BMP5: variants seen among roughly 807,000 people sequenced by gnomAD.
BMP5 encodes the protein bone morphogenetic protein 5.
A neutral mutation model predicts 46.6 loss-of-function variants in BMP5; 23 were observed. That is an observed-to-expected ratio of 0.49 (90% CI 0.35 to 0.70). BMP5 has a LOEUF of 0.70. Among genes scored for constraint, BMP5 ranks in the 30% least tolerant of loss-of-function variants. The pLI, the probability that BMP5 is intolerant of heterozygous loss-of-function variation, is 0.00. For missense variants in BMP5, 545 were observed against 565.6 expected (o/e 0.96, Z 0.37); for synonymous variants, 204 against 191.9 (o/e 1.06, Z -0.52).
intron 2 of BMP5, among the ~76,000 whole-genome samples, chr6:55,808,973 A>G (rs1372072875): frequency 6.6e-6 from 1 of 152,198 alleles, no homozygotes. Context: ...TGAATCTAGG[A>G]ACCACAATCA....
At chr6:55,867,732 G>C (rs975236772) in intron 1 of BMP5, among the ~76,000 whole-genome samples, 11 of 152,018 alleles carry the variant, frequency 7.2e-5, no homozygotes, top group African/African-American at 2.7e-4. Flanking sequence ...TTTGCATCAG[G>C]GTCCACAGAT....
At chr6:55,826,964 G>A (rs1340949221) in intron 1 of BMP5, among the ~76,000 whole-genome samples, 1 of 151,762 alleles carries the variant, frequency 6.6e-6, no homozygotes, top group Non-Finnish European at 1.5e-5. Context: ...TCAGGGCAAA[G>A]TTTTCCTATT....
chr6:55,819,632 T>C (rs1487993981), intron 2 of BMP5, 23 bp downstream of exon 2: 2 of 1,564,602 alleles, frequency 1.3e-6, no homozygotes, highest in East Asian at 4.5e-5. Context: ...GCCAGGATAA[T>C]AAGTTAAATA....
chr6:55,873,190 T>G (rs1297964705), intron 1 of BMP5, among the ~76,000 whole-genome samples: 2 of 152,076 alleles, frequency 1.3e-5, no homozygotes, highest in Admixed American at 1.3e-4. Flanking sequence ...TTATTAAGAT[T>G]TGTTGATAAT....
At chr6:55,799,653 A>G (rs1164805785) in intron 2 of BMP5, among the ~76,000 whole-genome samples, 1 of 152,178 alleles carries the variant, frequency 6.6e-6, no homozygotes, top group Non-Finnish European at 1.5e-5. Context: ...GTACTTACGC[A>G]AATTCTGCCT....
chr6:55,780,874 T>C (rs529177159), intron 3 of BMP5, among the ~76,000 whole-genome samples: 1 of 152,152 alleles, frequency 6.6e-6, no homozygotes, highest in Admixed American at 6.5e-5. Flanking sequence ...TCCAGAATGC[T>C]GAAATGTTTT....
intron 1 of BMP5, among the ~76,000 whole-genome samples, chr6:55,862,309 TAA>T (rs1038753952): frequency 3.9e-5 from 6 of 152,106 alleles, no homozygotes; most frequent in Admixed American, 3.3e-4. Context: ...ACAATCAACT[TAA>T]AGTAATCATT....
chr6:55,847,862 C>T (rs1777136751), intron 1 of BMP5, among the ~76,000 whole-genome samples: 1 of 151,816 alleles, frequency 6.6e-6, no homozygotes, highest in South Asian at 2.1e-4. Context: ...AAAAGGACTA[C>T]TAGGGAAAAT....
chr6:55,756,667 G>C (rs1459399816), intron 6 of BMP5, among the ~76,000 whole-genome samples: 1 of 151,822 alleles, frequency 6.6e-6, no homozygotes, highest in Non-Finnish European at 1.5e-5. Context: ...AATGATATAG[G>C]GGCCTTGCAT....
At chr6:55,805,252 A>T (rs1647522802) in intron 2 of BMP5, among the ~76,000 whole-genome samples, 1 of 152,186 alleles carries the variant, frequency 6.6e-6, no homozygotes, top group African/African-American at 2.4e-5. Context: ...TAATTATTTT[A>T]CTTTAGGTTC....
chr6:55,777,970 G>A (rs1042427593), intron 3 of BMP5, among the ~76,000 whole-genome samples: 2 of 151,966 alleles, frequency 1.3e-5, no homozygotes, highest in African/African-American at 2.4e-5. Flanking sequence ...CATTGGGTCA[G>A]GATGGCAGCA....
chr6:55,819,239 A>G (rs1156743820), intron 2 of BMP5, among the ~76,000 whole-genome samples: 2 of 152,214 alleles, frequency 1.3e-5, no homozygotes, highest in African/African-American at 4.8e-5. Context: ...AAAAATGAAC[A>G]TACAATTTTT....
chr6:55,755,526 T>G lies in BMP5; in HGVS notation c.*7A>C. ...GATCTTTTTGTTATTATCAATATTA[T>G]TTAATATTAGTGGCAGCCACATGAG... On this transcript the variant is annotated 3_prime_UTR_variant, in exon 7 of 7. Coordinates refer to ENST00000370830, the MANE Select transcript of BMP5 (RefSeq NM_021073.4). 1 of 1,601,620 alleles carries G rather than the reference T, an allele frequency of 6.2e-7. No homozygotes were observed. Among genetic ancestry groups the G allele is most frequent in the East Asian group, 2.2e-5 (1 of 44,708 alleles).
At chr6:55,872,818 A>C (rs989697454) in intron 1 of BMP5, among the ~76,000 whole-genome samples, 34 of 151,874 alleles carry the variant, frequency 2.2e-4, no homozygotes, top group African/African-American at 7.5e-4. Context: ...TTCTATTAAA[A>C]TATTTAAACT....
At chr6:55,774,835 G>T (rs191590596) in intron 3 of BMP5, among the ~76,000 whole-genome samples, 1 of 152,036 alleles carries the variant, frequency 6.6e-6, no homozygotes, top group African/African-American at 2.4e-5. Flanking sequence ...GCTTTAAGCC[G>T]CAGTTATTAA....
At position 55,853,138 on chromosome 6, in the gene BMP5, T is replaced by TAAATAAAATA. The variant is rs750937640; in HGVS notation, c.490+21228_490+21237dup. On this transcript the variant is annotated intron_variant, in intron 1 of 6. Transcript: ENST00000370830. ...AGAGGAAGACTACATCTCAAATACA[T>TAAATAAAATA]AAATAAAATAAAATAAAATAAAATA... is the stretch of plus-strand genomic sequence containing the variant. Among the ~76,000 whole-genome samples the TAAATAAAATA allele has an allele frequency of 7.1e-3, 767 of 107,446 alleles. 22 individuals carry two copies. The highest frequency in any genetic ancestry group is 0.013 in the Middle Eastern group (3 of 232). The allele number at this position is 107,446 out of a possible 152,430, so 70.5% of individuals were successfully genotyped here. A position where few individuals can be genotyped will look rare whatever the true frequency, so the allele number is the denominator to read the frequency against.
chr6:55,874,645 G>A lies in BMP5; in HGVS notation c.221C>T (p.Ala74Val), dbSNP rs141502765. Residue 74 changes from alanine to valine, a missense_variant, in exon 1 of 7, where the codon GCG (alanine) becomes GTG (valine). Coordinates refer to ENST00000370830, the MANE Select transcript of BMP5 (RefSeq NM_021073.4). ...CAGCATAAAGAGAGGTGCAGAGGAC[G>A]CTTGTTTTCCAGGTGAAAATGGTCT... Reference protein sequence around the residue: ...RPRPFSPGKQASSAPLFMLDL... With the variant: ...RPRPFSPGKQVSSAPLFMLDL... 118 of 1,613,628 alleles carry A rather than the reference G, an allele frequency of 7.3e-5. No individual in the cohort carries two copies. The highest frequency in any genetic ancestry group is 7.2e-4 in the African/African-American group (54 of 74,962).
chr6:55,754,052 A>G lies in BMP5; in HGVS notation c.*1481T>C, dbSNP rs1485971649. 1 of 151,924 alleles carries G rather than the reference A, an allele frequency of 6.6e-6. No individual in the cohort carries two copies. Among genetic ancestry groups the G allele is most frequent in the Non-Finnish European group, 1.5e-5 (1 of 67,916 alleles). The allele number at this position is 151,924 out of a possible 1,614,324, so 9.4% of individuals were successfully genotyped here. On this transcript the variant is annotated 3_prime_UTR_variant, in exon 7 of 7. Coordinates refer to ENST00000370830, the MANE Select transcript of BMP5 (RefSeq NM_021073.4). Reference sequence around the variant, plus strand: ...TCAAAACAACATTTTAATATACCCGAATTACAAACAAAGCCATAACATTTT... The same window carrying G: ...TCAAAACAACATTTTAATATACCCGGATTACAAACAAAGCCATAACATTTT...
intron 1 of BMP5, among the ~76,000 whole-genome samples, chr6:55,854,825 TTAAGA>T (rs2127551391): frequency 6.6e-6 from 1 of 152,298 alleles, no homozygotes; most frequent in Non-Finnish European, 1.5e-5. Context: ...AGTATTTTAA[TTAAGA>T]TTTTTCCACA....
Sources: gnomAD v4.1 joint callset for allele counts (sites outside exome capture counted in the v4.1 genomes callset) on GRCh38, gnomAD v4.1.1 for gene constraint, MANE v1.5 for transcripts, NCBI Gene and HGNC (gene_info 2026-07-23, HGNC 2026-07-21) for gene names.